Variants in TRPC7 observed in about 807,000 individuals in gnomAD.
The protein encoded by TRPC7 is short transient receptor potential channel 7.
A neutral mutation model predicts 90.1 loss-of-function variants in TRPC7; 42 were observed. That is an observed-to-expected ratio of 0.47 (90% confidence interval 0.36 to 0.60). The LOEUF (loss-of-function observed/expected upper bound fraction) is 0.60. Ranked by LOEUF, TRPC7 falls within the 20% of genes least tolerant of loss-of-function variation. The probability of loss-of-function intolerance (pLI) is 0.00; values close to 1 mark genes in which losing one functional copy is unlikely to be tolerated. For synonymous variants in TRPC7, 451 were observed against 436.3 expected (o/e 1.03, Z -0.42); for missense variants, 955 against 1,112.3 (o/e 0.86, Z 2.01).
intron 7 of TRPC7, among the ~76,000 whole-genome samples, chr5:136,233,661 G>A (rs1755887671): frequency 1.3e-5 from 2 of 152,152 alleles, no homozygotes; most frequent in South Asian, 4.1e-4. Context: ...CACTTGTCAT[G>A]GACCAACAAA....
intron 5 of TRPC7, among the ~76,000 whole-genome samples, chr5:136,257,365 TAG>T (rs1349765583): frequency 6.6e-6 from 1 of 151,960 alleles, no homozygotes; most frequent in Non-Finnish European, 1.5e-5. Context: ...GTATTTTTAG[TAG>T]AGACGAGGTT....
At chr5:136,320,071 T>G (rs1017648638) in intron 2 of TRPC7, among the ~76,000 whole-genome samples, 1 of 152,070 alleles carries the variant, frequency 6.6e-6, no homozygotes, top group African/African-American at 2.4e-5. Flanking sequence ...CTTGGATGTC[T>G]AATAGGCATT....
intron 7 of TRPC7, among the ~76,000 whole-genome samples, chr5:136,233,291 A>G (rs1393766054): frequency 6.6e-6 from 1 of 152,234 alleles, no homozygotes; most frequent in Non-Finnish European, 1.5e-5. Context: ...ATAAGCAACG[A>G]CAGGGTATTA....
At chr5:136,277,454 C>A (rs1204015352) in intron 3 of TRPC7, among the ~76,000 whole-genome samples, 2 of 152,220 alleles carry the variant, frequency 1.3e-5, no homozygotes, top group African/African-American at 4.8e-5. Flanking sequence ...GGGAACCTTT[C>A]TGCACTTGTG....
At chr5:136,343,433 A>G (rs954071712) in intron 2 of TRPC7, among the ~76,000 whole-genome samples, 2 of 152,216 alleles carry the variant, frequency 1.3e-5, no homozygotes, top group African/African-American at 4.8e-5. Flanking sequence ...GAAAATAGGA[A>G]ATAAGATCCT....
intron 2 of TRPC7, among the ~76,000 whole-genome samples, chr5:136,329,292 A>G (rs1759430675): frequency 6.6e-6 from 1 of 152,176 alleles, no homozygotes; most frequent in East Asian, 1.9e-4. Flanking sequence ...CTAATTCAGC[A>G]GACATATTTG....
intron 5 of TRPC7, among the ~76,000 whole-genome samples, chr5:136,253,779 A>T (rs1756601761): frequency 6.6e-6 from 1 of 152,124 alleles, no homozygotes; most frequent in African/African-American, 2.4e-5. Context: ...CTTTTAAGTG[A>T]AAGGAAGAGT....
chr5:136,283,076 G>A (rs1208250354), intron 3 of TRPC7, among the ~76,000 whole-genome samples: 1 of 152,168 alleles, frequency 6.6e-6, no homozygotes, highest in East Asian at 1.9e-4. Flanking sequence ...CCCTGAATGA[G>A]CCCCAGGCAG....
intron 3 of TRPC7, among the ~76,000 whole-genome samples, chr5:136,290,938 A>ATC (rs1757924379): frequency 6.6e-6 from 1 of 152,224 alleles, no homozygotes; most frequent in South Asian, 2.1e-4. Flanking sequence ...CTAACAGCTG[A>ATC]TCTCTCAGCA....
At chr5:136,300,581 CA>C (rs1758343005) in intron 3 of TRPC7, among the ~76,000 whole-genome samples, 1 of 152,182 alleles carries the variant, frequency 6.6e-6, no homozygotes, top group Admixed American at 6.5e-5. Context: ...CAGTGTTTGG[CA>C]ACTACCGGGC....
intron 3 of TRPC7, among the ~76,000 whole-genome samples, chr5:136,299,360 T>C (rs1023220387): frequency 4.7e-5 from 7 of 148,944 alleles, no homozygotes; most frequent in Non-Finnish European, 7.4e-5. Context: ...TGTGTGTGTG[T>C]GTGTGTGTGT....
chr5:136,242,494 T>C (rs1756203946), intron 7 of TRPC7, among the ~76,000 whole-genome samples: 2 of 152,190 alleles, frequency 1.3e-5, no homozygotes, highest in African/African-American at 2.4e-5. Flanking sequence ...GAACTATTAA[T>C]AGGATCTGAC....
chr5:136,287,109 C>A lies in TRPC7; in HGVS notation c.964-12272G>T, dbSNP rs551044959. On this transcript the variant is annotated intron_variant, in intron 3 of 11. Transcript: ENST00000513104. ...AGCCATGAACGCTCGCCTCGCTGGA[C>A]CCCATCTGTATGTCTGGGTGTCTGA... 1.2e-3 allele frequency among the ~76,000 whole-genome samples: 183 copies of A among 152,266 alleles called. 1 individual carries two copies. Among genetic ancestry groups the A allele is most frequent in the African/African-American group, 4.1e-3 (169 of 41,552 alleles).
intron 3 of TRPC7, among the ~76,000 whole-genome samples, chr5:136,313,812 A>G (rs1003195689): frequency 7.2e-5 from 11 of 152,228 alleles, no homozygotes; most frequent in Admixed American, 7.2e-4. Flanking sequence ...ATTGGCAAAT[A>G]CCACTGGAGC....
chr5:136,241,548 CTT>C (rs1300569906), intron 7 of TRPC7, among the ~76,000 whole-genome samples: 1 of 151,752 alleles, frequency 6.6e-6, no homozygotes, highest in East Asian at 1.9e-4. Context: ...GAAAGGCACT[CTT>C]TTCCTTCCTT....
At chr5:136,303,665 GACCCC>G (rs1268337305) in intron 3 of TRPC7, 1 of 151,986 alleles carries the variant, frequency 6.6e-6, no homozygotes, top group Non-Finnish European at 1.5e-5. Flanking sequence ...ATCTGTGTGG[GACCCC>G]ACTGAAAATC....
intron 3 of TRPC7, 36 bp from the exon 4 acceptor site, chr5:136,274,873 A>T (rs1233579325): frequency 6.5e-7 from 1 of 1,546,038 alleles, no homozygotes; most frequent in South Asian, 1.2e-5. Flanking sequence ...ACAAAACGCA[A>T]ACAGGAAAAT....
At chr5:136,310,546 T>C (rs1758792822) in intron 3 of TRPC7, among the ~76,000 whole-genome samples, 1 of 151,976 alleles carries the variant, frequency 6.6e-6, no homozygotes, top group African/African-American at 2.4e-5. Context: ...TCTGGAAGGC[T>C]CAGGAGGAGT....
At chr5:136,261,423 C>T (rs1268221441) in intron 5 of TRPC7, among the ~76,000 whole-genome samples, 1 of 152,226 alleles carries the variant, frequency 6.6e-6, no homozygotes, top group African/African-American at 2.4e-5. Context: ...GTGCTGTCAA[C>T]TCCACCTTTT....
Sources: allele counts gnomAD v4.1 joint callset (sites outside exome capture counted in the v4.1 genomes callset), GRCh38; gene constraint gnomAD v4.1.1; transcripts MANE v1.5; gene names NCBI Gene and HGNC (gene_info 2026-07-23, HGNC 2026-07-21).